The following CCDC88B variants were observed in gnomAD, a reference collection of about 807,000 sequenced individuals.
CCDC88B encodes the protein coiled-coil and HOOK domain protein 88B, also known as coiled-coil domain-containing protein 88B.
In CCDC88B, 138 loss-of-function variants were observed where a neutral mutation model predicts 183.7. The ratio of observed to expected loss-of-function variants is 0.75; its 90% CI spans 0.65 to 0.87. The LOEUF (loss-of-function observed/expected upper bound fraction) is 0.87, where lower values mean the gene tolerates loss of function less well. Among genes scored for constraint, CCDC88B ranks in the 40% least tolerant of loss-of-function variants. The pLI is 0.00. For synonymous variants in CCDC88B, 835 were observed against 867.5 expected (o/e 0.96, Z 0.66); for missense variants, 1,822 against 1,965.6 (o/e 0.93, Z 1.38).
In CCDC88B at chr11:64,341,475, C is replaced by G. The variant is rs2035849464; in HGVS notation, c.502C>G (p.Gln168Glu). ...RHIQGLSLEV[Q>E]SELAAAIQEV... ...CATCCAGGGCCTCAGTCTCGAGGTC[C>G]AGAGCGAGCTGGCCGCTGCCATCCA... is the stretch of plus-strand genomic sequence containing the variant. Residue 168 changes from glutamine (Q) to glutamate (E), a missense_variant, in exon 6 of 27, where the codon CAG becomes GAG. By Grantham distance (29) the Gln-to-Glu change is conservative. Coordinates refer to ENST00000356786, the MANE Select transcript of CCDC88B (RefSeq NM_032251.6). 1 of 1,613,926 alleles carries G rather than the reference C, an allele frequency of 6.2e-7. No homozygotes were observed. Among genetic ancestry groups the G allele is most frequent in the Admixed American group, 1.7e-5 (1 of 60,026 alleles).
In CCDC88B at chr11:64,343,269, C is replaced by T; in HGVS notation, c.1153C>T (p.His385Tyr). 1 of 1,549,562 alleles carries T rather than the reference C, an allele frequency of 6.5e-7. No homozygotes were observed. Among genetic ancestry groups the T allele is most frequent in the Non-Finnish European group, 8.7e-7 (1 of 1,146,770 alleles). ...EAARERCARLHETQRENLLLR... is the reference protein window; with the variant it reads ...EAARERCARLYETQRENLLLR... Reference sequence around the variant, plus strand: ...TGCCCGAGAGCGCTGCGCCCGGCTGCACGAGACCCAGCGCGAGAACCTGCT... The same window carrying T: ...TGCCCGAGAGCGCTGCGCCCGGCTGTACGAGACCCAGCGCGAGAACCTGCT... Residue 385 changes from histidine (H) to tyrosine (Y), a missense_variant, in exon 11 of 27, where the codon CAC becomes TAC. Transcript: ENST00000356786.
chr11:64,349,735 A>G, intron 16 of CCDC88B, 67 bp downstream of exon 16: 1 of 1,392,834 alleles, frequency 7.2e-7, no homozygotes, highest in Non-Finnish European at 1.0e-6. Flanking sequence ...AGCAGATGCC[A>G]GGGTCATCTG....
In CCDC88B at chr11:64,341,282, A is replaced by C. The variant is rs755265664; in HGVS notation, c.401A>C (p.Glu134Ala). Residue 134 changes from glutamate to alanine, a missense_variant, in exon 5 of 27, where the codon GAG becomes GCG. Physicochemically the swap from Glu to Ala is moderately radical, Grantham distance 107. Transcript: ENST00000356786. Reference protein sequence around the residue: ...GFDPLSEEAVEQLEGVLRLLL... With the variant: ...GFDPLSEEAVAQLEGVLRLLL... ...ATGTGCCTTGCAGAAGAAGCGGTGG[A>C]GCAGCTGGAAGGCGTTCTTCGGCTA... 93 of 1,613,872 alleles carry C rather than the reference A, an allele frequency of 5.8e-5. No homozygotes were observed. Among genetic ancestry groups the C allele is most frequent in the Middle Eastern group, 1.6e-4 (1 of 6,084 alleles).
At chr11:64,355,511 TC>T (rs1169594544) in intron 25 of CCDC88B, 48 bp from the exon 26 acceptor site, 15 of 1,607,524 alleles carry the variant, frequency 9.3e-6, no homozygotes, top group Non-Finnish European at 1.3e-5. Flanking sequence ...GCAAGCTCTG[TC>T]CACTTCCGCA....
In CCDC88B at chr11:64,341,263, C is replaced by T. The variant is rs547619685; in HGVS notation, c.389-7C>T. 2.8e-4 allele frequency: 447 copies of T among 1,614,162 alleles called. 5 individuals are homozygous for T. In the South Asian group the frequency reaches 4.7e-3, roughly 17 times the overall value. On this transcript the variant is annotated splice_region_variant and splice_polypyrimidine_tract_variant and intron_variant, in intron 4 of 26. Transcript: ENST00000356786. ...CCAGTTAACCCCTTGTGGCATGTGC[C>T]TTGCAGAAGAAGCGGTGGAGCAGCT...
Position 64,341,458 on chromosome 11 carries a change from G to A in CCDC88B, c.485G>A (p.Gly162Asp). 6.2e-7 allele frequency: 1 copy of A among 1,613,962 alleles called. No homozygotes were observed. The highest frequency in any genetic ancestry group is 8.5e-7 in the Non-Finnish European group (1 of 1,180,018). The change falls in exon 6 of 27, where the codon GGC becomes GAC. Residue 162 changes from glycine to aspartate, a missense_variant. Physicochemically the swap from Gly to Asp is moderately conservative, Grantham distance 94. Coordinates refer to ENST00000356786, the MANE Select transcript of CCDC88B (RefSeq NM_032251.6). The stretch of plus-strand genomic sequence containing the variant: ...GAACTCTTCATCCGCCACATCCAGG[G>A]CCTCAGTCTCGAGGTCCAGAGCGAG... ...HRELFIRHIQ[G>D]LSLEVQSELA... is the part of the protein sequence containing the mutation.
chr11:64,352,712 A>T (rs1173943239), intron 19 of CCDC88B, 32 bp from the exon 20 acceptor site: 1 of 1,612,784 alleles, frequency 6.2e-7, no homozygotes, highest in African/African-American at 1.3e-5. Flanking sequence ...CCATAGGTTC[A>T]CACAGCCCTC....
intron 14 of CCDC88B, among the ~76,000 whole-genome samples, chr11:64,345,610 C>A (rs1018238640): frequency 2.6e-5 from 4 of 152,028 alleles, no homozygotes; most frequent in Admixed American, 2.6e-4. Flanking sequence ...GAGCTGATGC[C>A]CAAGTGGAGG....
chr11:64,355,839 C>G (rs1199272485), intron 26 of CCDC88B: 4 of 489,090 alleles, frequency 8.2e-6, no homozygotes, highest in Admixed American at 8.0e-5. Context: ...ACAGCCCTGT[C>G]CACTAGAAAT....
At chr11:64,353,857 C>CCT (rs1168544076) in intron 23 of CCDC88B, 44 bp downstream of exon 23, 12 of 1,608,520 alleles carry the variant, frequency 7.5e-6, no homozygotes, top group Non-Finnish European at 9.4e-6. Context: ...ATCCTGCTAA[C>CCT]CTCTGCCCCT....
At chr11:64,341,811 A>G in intron 7 of CCDC88B, 69 bp downstream of exon 7, 1 of 1,528,948 alleles carries the variant, frequency 6.5e-7, no homozygotes, top group Admixed American at 2.3e-5. Flanking sequence ...CCGGTTGTGC[A>G]AGGGAGATGG....
chr11:64,349,837 G>GC, intron 16 of CCDC88B, 169 bp downstream of exon 16: 1 of 650,344 alleles, frequency 1.5e-6, no homozygotes, highest in East Asian at 2.7e-5. Flanking sequence ...TGGGAGTCAG[G>GC]TGGCCGTGTT....
At chr11:64,342,873 G>GA (rs200244966) in intron 10 of CCDC88B, 193 bp downstream of exon 10, 5,397 of 526,158 alleles carry the variant, frequency 0.01, 63 homozygotes, top group Admixed American at 0.011. Flanking sequence ...AGGTGTAGGG[G>GA]AGTGGGGGGG....
intron 16 of CCDC88B, chr11:64,350,019 G>A (rs12793347): frequency 0.11 from 33,220 of 303,766 alleles, 2,254 homozygotes; most frequent in Middle Eastern, 0.13. Context: ...GGCTCCACAC[G>A]GAGGGTGGGG....
At position 64,344,515 on chromosome 11, in the gene CCDC88B, G is replaced by A; in HGVS notation, c.1974G>A (p.Val658=). 6.2e-7 allele frequency: 1 copy of A among 1,607,686 alleles called. No individual in the cohort carries two copies. The highest frequency in any genetic ancestry group is 8.5e-7 in the Non-Finnish European group (1 of 1,177,078). The stretch of plus-strand genomic sequence containing the variant: ...CAGGGCCTTCGGAGCCCAGCTCTGT[G>A]CAGCTGGAGGAGCAGGAGGGCCCAA... ...HKPGPSEPSS[V]QLEEQEGPNQ... Residue 658 remains valine (V), a synonymous_variant, in exon 14 of 27, where the codon GTG becomes GTA. Transcript: ENST00000356786. This position sits in a 1 kb window ranked among gnomAD's most constrained non-coding sequence, Gnocchi z 4.5.
chr11:64,343,887 G>A lies in CCDC88B; in HGVS notation c.1428G>A (p.Gln476=), dbSNP rs767161607. Reference sequence around the variant, plus strand: ...ACCGGGAGCTTCGGGGGCTGCTTCAGGTGCTTCAGGGGCAGCCAGGGGGCC... The same window carrying A: ...ACCGGGAGCTTCGGGGGCTGCTTCAAGTGCTTCAGGGGCAGCCAGGGGGCC... The part of the protein sequence containing the change: ...RENRELRGLL[Q]VLQGQPGGQH... Residue 476 remains glutamine, a synonymous_variant, in exon 13 of 27, where the codon CAG becomes CAA. Transcript: ENST00000356786. 1.2e-5 allele frequency: 20 copies of A among 1,605,384 alleles called. No individual in the cohort carries two copies. Among genetic ancestry groups the A allele is most frequent in the Non-Finnish European group, 1.7e-5 (20 of 1,176,294 alleles).
intron 26 of CCDC88B, 72 bp from the exon 27 acceptor site, chr11:64,356,967 A>T: frequency 6.8e-7 from 1 of 1,474,734 alleles, no homozygotes; most frequent in Non-Finnish European, 9.1e-7. Flanking sequence ...AAGGTGCTCG[A>T]GCCTGTGGGC....
At chr11:64,349,510 G>C (rs369354998) in intron 15 of CCDC88B, 41 bp from the exon 16 acceptor site, 2 of 1,568,808 alleles carry the variant, frequency 1.3e-6, no homozygotes, top group Non-Finnish European at 1.7e-6. Context: ...GTGGTGGGGC[G>C]AGGGTGGGGT....
At position 64,343,539 on chromosome 11, in the gene CCDC88B, G is replaced by C; in HGVS notation, c.1242G>C (p.Gln414His). 1 of 1,551,966 alleles carries C rather than the reference G, an allele frequency of 6.4e-7. No homozygotes were observed. Among genetic ancestry groups the C allele is most frequent in the Non-Finnish European group, 8.7e-7 (1 of 1,147,094 alleles). The stretch of plus-strand genomic sequence containing the variant: ...ACTCTCTGCGGCATCAGGTGGACCA[G>C]CTGGCTGAGGAGAATGTGGAGCTGG... ...ELDSLRHQVD[Q>H]LAEENVELEL... is the part of the protein sequence containing the mutation. Residue 414 changes from glutamine to histidine, a missense_variant, in exon 12 of 27, where the codon CAG becomes CAC. Physicochemically the swap from Gln to His is conservative, Grantham distance 24 (BLOSUM62 0). Transcript: ENST00000356786.
Sources: allele counts gnomAD v4.1 joint callset (sites outside exome capture counted in the v4.1 genomes callset), GRCh38; gene constraint gnomAD v4.1.1; non-coding constraint Gnocchi (gnomAD v3.1); transcripts MANE v1.5; gene names NCBI Gene and HGNC (gene_info 2026-07-23, HGNC 2026-07-21).